GRIP2: variants seen among roughly 807,000 people sequenced by gnomAD.
GRIP2 encodes the protein glutamate receptor interacting protein 2.
In GRIP2, 58 loss-of-function variants were observed where a neutral mutation model predicts 108.3. The observed-to-expected ratio is 0.54, with a 90% confidence interval of 0.43 to 0.67. The LOEUF (loss-of-function observed/expected upper bound fraction) is 0.67, where lower values mean the gene tolerates loss of function less well. Ranked by LOEUF, GRIP2 falls within the 30% of genes least tolerant of loss-of-function variation. The pLI, the probability that GRIP2 is intolerant of heterozygous loss-of-function variation, is 0.00. For missense variants in GRIP2, 1,278 were observed against 1,430.6 expected, an observed-to-expected ratio of 0.89 and a Z score of 1.72; for synonymous variants, 586 against 598.2, an observed-to-expected ratio of 0.98 and a Z score of 0.30.
chr3:14,517,483 A>T, intron 10 of GRIP2, among the ~76,000 whole-genome samples: 1 of 127,130 alleles, frequency 7.9e-6, no homozygotes, highest in Non-Finnish European at 1.6e-5. Context: ...CAGGCCACCT[A>T]ATCTCTCTCT....
chr3:14,550,010 C>A (rs1695118855), intron 1 of GRIP2, among the ~76,000 whole-genome samples: 1 of 152,124 alleles, frequency 6.6e-6, no homozygotes, highest in African/African-American at 2.4e-5. Context: ...GGCCACCCAG[C>A]TGAGAATATG....
At chr3:14,598,320 A>G in the GRIP2 span, among the ~76,000 whole-genome samples, 1 of 150,458 alleles carries the variant, frequency 6.6e-6, no homozygotes, top group Non-Finnish European at 1.5e-5. Flanking sequence ...GCATAGGGAC[A>G]CATCAGCTAG....
At chr3:14,526,398 C>T (rs778551794) in intron 1 of GRIP2, among the ~76,000 whole-genome samples, 1 of 152,186 alleles carries the variant, frequency 6.6e-6, no homozygotes, top group Non-Finnish European at 1.5e-5. Context: ...CTCTCTCAAA[C>T]GCAGGCACAG....
At chr3:14,564,146 G>A in the GRIP2 span, among the ~76,000 whole-genome samples, 1 of 152,252 alleles carries the variant, frequency 6.6e-6, no homozygotes, top group Non-Finnish European at 1.5e-5. Context: ...GTATGGGCTA[G>A]GGCGGCTGGC....
At chr3:14,586,500 G>C in the GRIP2 span, among the ~76,000 whole-genome samples, 1 of 152,214 alleles carries the variant, frequency 6.6e-6, no homozygotes, top group African/African-American at 2.4e-5. Flanking sequence ...GGTGACAACA[G>C]CCCTGCCCTC....
the GRIP2 span, chr3:14,574,252 C>T: frequency 3.4e-6 from 3 of 880,178 alleles, no homozygotes. Flanking sequence ...ACGAAGCTGT[C>T]GATGTGCTTG....
intron 3 of GRIP2, among the ~76,000 whole-genome samples, chr3:14,524,769 T>C (rs1013067577): frequency 2.6e-5 from 4 of 152,182 alleles, no homozygotes; most frequent in Non-Finnish European, 5.9e-5. Flanking sequence ...TCTGCCTGCT[T>C]TTCCTTCTGC....
chr3:14,503,831 C>A, intron 20 of GRIP2, 160 bp from the exon 21 acceptor site: 1 of 603,572 alleles, frequency 1.7e-6, no homozygotes, highest in South Asian at 2.0e-5. Flanking sequence ...AGTTCTGGGG[C>A]CCCGGGGCAG....
rs1452653674 is a variant in GRIP2, at chr3:14,525,907, C to A, written c.65G>T (p.Gly22Val). 6.4e-7 allele frequency: 1 copy of A among 1,560,458 alleles called. No individual in the cohort carries two copies. Among genetic ancestry groups the A allele is most frequent in the Non-Finnish European group, 8.7e-7 (1 of 1,151,848 alleles). ...AACGTCGGCCCCTCCTGCGTCCTTG[C>A]CTCCTTTGGAGTAGGGCCCATCGTC... is the stretch of plus-strand genomic sequence containing the variant. ...EADDGPYSKG[G>V]KDAGGADVSL... The change falls in exon 2 of 24, where the codon GGC becomes GTC. Residue 22 changes from glycine to valine, a missense_variant. Transcript: ENST00000621039.
intron 11 of GRIP2, 95 bp downstream of exon 11, chr3:14,516,969 A>G: frequency 7.9e-7 from 1 of 1,271,938 alleles, no homozygotes; most frequent in Admixed American, 3.7e-5. Flanking sequence ...AGCTCTGCCC[A>G]AAATACCTCC....
upstream of GRIP2, among the ~76,000 whole-genome samples, chr3:14,545,051 ACACGCAAGGC>A (rs1483630987): frequency 2.0e-5 from 3 of 152,330 alleles, no homozygotes; most frequent in East Asian, 5.8e-4. Flanking sequence ...CTACAGGAAA[ACACGCAAGGC>A]CACAGGCCAA....
intron 1 of GRIP2, among the ~76,000 whole-genome samples, chr3:14,529,278 CAAAAAAAAAAAAAAA>C (rs78828207): frequency 0.54 from 61,719 of 114,732 alleles, 14,552 homozygotes; most frequent in South Asian, 0.69. Context: ...GACTCCGTCT[CAAAAAAAAAAAAAAA>C]AAAAAAAAAG....
the GRIP2 span, among the ~76,000 whole-genome samples, chr3:14,570,125 G>C: frequency 5.9e-5 from 9 of 152,348 alleles, no homozygotes; most frequent in African/African-American, 2.2e-4. Flanking sequence ...TGAGAGGAAG[G>C]ATGCGGGAAA....
In GRIP2 at chr3:14,521,855, G is replaced by C; in HGVS notation, c.567-68C>G. 7.0e-7 allele frequency: 1 copy of C among 1,424,142 alleles called. No homozygotes were observed. Among genetic ancestry groups the C allele is most frequent in the South Asian group, 1.5e-5 (1 of 68,188 alleles). 88.2% of individuals were successfully genotyped at this position (1,424,142 alleles called of 1,614,324 possible). On this transcript the variant is annotated intron_variant, in intron 6 of 23. Coordinates refer to ENST00000621039, the MANE Select transcript of GRIP2 (RefSeq NM_001080423.4). The surrounding 1 kb of genome is among the most constrained non-coding windows in gnomAD (Gnocchi z 5.1). ...CTGGGCACAGCCTGTCTGGGAGGGC[G>C]CTGGGAAGCGGGACATGGAGGATGA...
the GRIP2 span, among the ~76,000 whole-genome samples, chr3:14,566,053 G>C: frequency 6.6e-6 from 1 of 152,244 alleles, no homozygotes; most frequent in Non-Finnish European, 1.5e-5. Flanking sequence ...TCCCAGAGGT[G>C]CCCTGAGGCT....
chr3:14,521,673 G>A lies in GRIP2; in HGVS notation c.681C>T (p.Leu227=). Residue 227 remains leucine (L), a synonymous_variant, in exon 7 of 24, where the codon CTC becomes CTT. Transcript: ENST00000621039. This position sits in a 1 kb window ranked among gnomAD's most constrained non-coding sequence, Gnocchi z 5.1. The stretch of plus-strand genomic sequence containing the variant: ...TGGCCACATCATACTCCACCTGAAA[G>A]AGTGCCTCGTGGCTGCACTGCCGCA... ...ATLRQCSHEA[L]FQVEYDVATP... 1 of 1,612,078 alleles carries A rather than the reference G, an allele frequency of 6.2e-7. No homozygotes were observed. The highest frequency in any genetic ancestry group is 1.3e-5 in the African/African-American group (1 of 75,028).
At chr3:14,532,432 A>AT (rs1694733224) in intron 1 of GRIP2, among the ~76,000 whole-genome samples, 1 of 151,860 alleles carries the variant, frequency 6.6e-6, no homozygotes, top group Non-Finnish European at 1.5e-5. Context: ...CACTATGGGT[A>AT]TTTTTTGCCA....
the GRIP2 span, among the ~76,000 whole-genome samples, chr3:14,581,122 G>A: frequency 3.3e-5 from 5 of 152,180 alleles, no homozygotes; most frequent in African/African-American, 1.2e-4. Flanking sequence ...GCGGATGGGT[G>A]GATGGGTGGA....
At chr3:14,591,979 T>C in the GRIP2 span, among the ~76,000 whole-genome samples, 1 of 152,366 alleles carries the variant, frequency 6.6e-6, no homozygotes, top group African/African-American at 2.4e-5. Context: ...ATCTAGGACC[T>C]TGTCTATCTA....
Sources: gnomAD v4.1 joint callset for allele counts (sites outside exome capture counted in the v4.1 genomes callset) on GRCh38, gnomAD v4.1.1 for gene constraint, Gnocchi (gnomAD v3.1) non-coding constraint, MANE v1.5 for transcripts, NCBI Gene and HGNC (gene_info 2026-07-23, HGNC 2026-07-21) for gene names.